Variants in PARP11 observed in about 807,000 individuals in gnomAD.
PARP11 encodes the protein protein mono-ADP-ribosyltransferase PARP11.
In PARP11, 31 loss-of-function variants were observed where a neutral mutation model predicts 42.9. The observed-to-expected ratio is 0.72, with a 90% CI of 0.54 to 0.98. The LOEUF is 0.98. Among genes scored for constraint, PARP11 ranks in the 50% least tolerant of loss-of-function variants. The probability of loss-of-function intolerance (pLI) is 0.00; values close to 1 mark genes in which losing one functional copy is unlikely to be tolerated. For synonymous variants in PARP11, 137 were observed against 127.3 expected, an observed-to-expected ratio of 1.08 and a Z score of -0.51; for missense variants, 365 against 413.1, an observed-to-expected ratio of 0.88 and a Z score of 1.01.
In PARP11 at chr12:3,826,197, C is replaced by T. The variant is rs770853161; in HGVS notation, c.305G>A (p.Arg102His). 39 of 1,599,432 alleles carry T rather than the reference C, an allele frequency of 2.4e-5. No homozygotes were observed. Among genetic ancestry groups the T allele is most frequent in the East Asian group, 9.0e-5 (4 of 44,544 alleles). Residue 102 changes from arginine (R) to histidine (H), a missense_variant, in exon 4 of 8, where the codon CGC (arginine) becomes CAC (histidine). Arg to His is a conservative substitution (Grantham distance 29). Coordinates refer to ENST00000228820, the MANE Select transcript of PARP11 (RefSeq NM_020367.6). Reference protein sequence around the residue: ...KQMNLTTGKQRLIKRAPFSIS... With the variant: ...KQMNLTTGKQHLIKRAPFSIS... Reference sequence around the variant, plus strand: ...AGAAAAGGGGGCTCTTTTTATTAAGCGCTGCTTTCCAGTGGTGAGATTCAT... The same window carrying T: ...AGAAAAGGGGGCTCTTTTTATTAAGTGCTGCTTTCCAGTGGTGAGATTCAT...
intron 1 of PARP11, chr12:3,842,638 C>A (rs1947915266): frequency 1.5e-6 from 1 of 685,794 alleles, no homozygotes; most frequent in South Asian, 1.9e-5. Flanking sequence ...AGCCTCCTTA[C>A]CTTCCCTCCC....
At position 3,840,626 on chromosome 12, in the gene PARP11, C is replaced by G; in HGVS notation, c.19-10608G>C. 3.3e-6 allele frequency: 4 copies of G among 1,220,662 alleles called. No individual in the cohort carries two copies. Among genetic ancestry groups the G allele is most frequent in the Non-Finnish European group, 4.9e-6 (4 of 821,054 alleles). The allele number at this position is 1,220,662 out of a possible 1,614,324, so 75.6% of individuals were successfully genotyped here. ...CGAGAATCTAACTATTGCTACTTCTCAGAGTAGCAATCCATGTGTCCAGAG... is the reference window on the plus strand; with the variant it reads ...CGAGAATCTAACTATTGCTACTTCTGAGAGTAGCAATCCATGTGTCCAGAG... On this transcript the variant is annotated intron_variant, in intron 1 of 7. Coordinates refer to ENST00000228820, the MANE Select transcript of PARP11 (RefSeq NM_020367.6). This position sits in a 1 kb window ranked among gnomAD's most constrained non-coding sequence, Gnocchi z 4.4.
Position 3,840,031 on chromosome 12 carries a change from G to T in PARP11, c.19-10013C>A, listed in dbSNP as rs545540143. On this transcript the variant is annotated intron_variant, in intron 1 of 7. Coordinates refer to ENST00000228820, the MANE Select transcript of PARP11 (RefSeq NM_020367.6). This position sits in a 1 kb window ranked among gnomAD's most constrained non-coding sequence, Gnocchi z 4.4. ...TGGGAACTCTACTAGCCTGCCTTTG[G>T]CTAGAAAGGTTCTTAAGTCACTCAA... 22 of 1,608,248 alleles carry T rather than the reference G, an allele frequency of 1.4e-5. No homozygotes were observed. In the East Asian group the frequency reaches 4.9e-4, roughly 36 times the overall value.
Position 3,820,376 on chromosome 12 carries a change from G to A in PARP11, c.548+1497C>T, listed in dbSNP as rs1451103108. Among the ~76,000 whole-genome samples, 3 of 152,286 alleles carry A rather than the reference G, an allele frequency of 2.0e-5. No individual in the cohort carries two copies. The East Asian group carries it at 5.8e-4, about 29-fold the overall frequency. On this transcript the variant is annotated intron_variant, in intron 6 of 7. Coordinates refer to ENST00000228820, the MANE Select transcript of PARP11 (RefSeq NM_020367.6). ...CAGGATGATGTCAAAATGACACGCTGCCCTTATAATGAGACTCAGTATTTT... is the reference window on the plus strand; with the variant it reads ...CAGGATGATGTCAAAATGACACGCTACCCTTATAATGAGACTCAGTATTTT...
chr12:3,841,291 G>T, intron 1 of PARP11: 1 of 1,289,500 alleles, frequency 7.8e-7, no homozygotes, highest in Non-Finnish European at 1.1e-6. Flanking sequence ...CAATCTTGGT[G>T]TGAAGGCATA....
rs1947136039 is a variant in PARP11, at chr12:3,809,993, C to T, written c.*2130G>A. 1 of 152,244 alleles carries T rather than the reference C, an allele frequency of 6.6e-6. No homozygotes were observed. The highest frequency in any genetic ancestry group is 2.4e-5 in the African/African-American group (1 of 41,460). The allele number at this position is 152,244 out of a possible 1,614,324, so 9.4% of individuals were successfully genotyped here. A position where few individuals can be genotyped will look rare whatever the true frequency, so the allele number is the denominator to read the frequency against. ...CCTGGGTACTACTTACCTCCCACTG[C>T]ACAATTACACATATGCTGGTCTATA... is the stretch of plus-strand genomic sequence containing the variant. On this transcript the variant is annotated 3_prime_UTR_variant, in exon 8 of 8. Transcript: ENST00000228820.
chr12:3,826,185 C>G lies in PARP11; in HGVS notation c.317G>C (p.Arg106Thr). ...LTTGKQRLIKRAPFSISAFSY... is the reference protein window; with the variant it reads ...LTTGKQRLIKTAPFSISAFSY... The stretch of plus-strand genomic sequence containing the variant: ...GAAAGCACTGATAGAAAAGGGGGCT[C>G]TTTTTATTAAGCGCTGCTTTCCAGT... Residue 106 changes from arginine to threonine, a missense_variant, in exon 4 of 8, where the codon AGA becomes ACA. Physicochemically the swap from Arg to Thr is moderately conservative, Grantham distance 71. Transcript: ENST00000228820. 6.3e-7 allele frequency: 1 copy of G among 1,598,762 alleles called. No individual in the cohort carries two copies. The highest frequency in any genetic ancestry group is 8.5e-7 in the Non-Finnish European group (1 of 1,175,392).
In PARP11 at chr12:3,827,094, G is replaced by C. The variant is rs7315970; in HGVS notation, c.269-861C>G. Among the ~76,000 whole-genome samples, 2,651 of 152,306 alleles carry C rather than the reference G, an allele frequency of 0.017. 139 individuals are homozygous for C. In the South Asian group the frequency reaches 0.18, roughly 10 times the overall value. On this transcript the variant is annotated intron_variant, in intron 3 of 7. Coordinates refer to ENST00000228820, the MANE Select transcript of PARP11 (RefSeq NM_020367.6). The stretch of plus-strand genomic sequence containing the variant: ...AAAAGCAAGATCATCTCAGCATGTG[G>C]AGCAAGACCTGTGATGCCATCTTCT...
intron 1 of PARP11, chr12:3,841,534 C>G: frequency 1.3e-6 from 2 of 1,597,606 alleles, no homozygotes; most frequent in Admixed American, 1.7e-5. Context: ...GATTGGACCG[C>G]CGACATTTTC....
intron 1 of PARP11, chr12:3,832,103 A>C: frequency 1.0e-6 from 1 of 966,726 alleles, no homozygotes; most frequent in Non-Finnish European, 1.2e-6. Context: ...CTCCGCTATA[A>C]AACACCTTAC....
chr12:3,841,085 C>T, intron 1 of PARP11: 4 of 1,608,970 alleles, frequency 2.5e-6, no homozygotes, highest in Non-Finnish European at 3.4e-6. Context: ...TTAACACCCT[C>T]TCCAGTTCCT....
chr12:3,817,063 C>T (rs940065095), intron 6 of PARP11, among the ~76,000 whole-genome samples: 2 of 151,944 alleles, frequency 1.3e-5, no homozygotes, highest in Admixed American at 6.6e-5. Context: ...TGGTGGCGGG[C>T]GCCTGTAGTC....
chr12:3,829,224 G>C (rs918683572), intron 2 of PARP11, among the ~76,000 whole-genome samples, 194 bp from the exon 3 acceptor site: 2 of 152,192 alleles, frequency 1.3e-5, no homozygotes, highest in Admixed American at 6.5e-5. Flanking sequence ...GATCTCCAGT[G>C]AAGAGACAAC....
chr12:3,828,144 T>C (rs188923529), intron 3 of PARP11, among the ~76,000 whole-genome samples: 121 of 152,326 alleles, frequency 7.9e-4, no homozygotes, highest in African/African-American at 2.2e-3. Context: ...ATTAAAGAAA[T>C]TGTTTTCTGA....
intron 6 of PARP11, among the ~76,000 whole-genome samples, chr12:3,815,979 G>C (rs978536522): frequency 6.6e-6 from 1 of 152,194 alleles, no homozygotes; most frequent in Non-Finnish European, 1.5e-5. Context: ...TCACTTGGCA[G>C]TATGTATCAA....
chr12:3,827,637 A>G (rs1565535818), intron 3 of PARP11, among the ~76,000 whole-genome samples: 1 of 152,078 alleles, frequency 6.6e-6, no homozygotes, highest in Non-Finnish European at 1.5e-5. Flanking sequence ...ACGAGCAAGG[A>G]TCTAATGGTT....
At chr12:3,854,397 A>G (rs1948155182) in intron 1 of PARP11, among the ~76,000 whole-genome samples, 1 of 152,204 alleles carries the variant, frequency 6.6e-6, no homozygotes, top group African/African-American at 2.4e-5. Flanking sequence ...AGCAAGACGA[A>G]CAAAGAAGAA....
At chr12:3,859,652 G>A (rs536633752) in intron 1 of PARP11, among the ~76,000 whole-genome samples, 5 of 151,492 alleles carry the variant, frequency 3.3e-5, no homozygotes, top group Middle Eastern at 3.5e-3. Context: ...CAATCAAAAC[G>A]TAGATTTTTC....
At chr12:3,867,201 T>G (rs766005186) in intron 1 of PARP11, among the ~76,000 whole-genome samples, 4 of 152,214 alleles carry the variant, frequency 2.6e-5, no homozygotes, top group Non-Finnish European at 4.4e-5. Context: ...AAAGATTCTT[T>G]ATATGAAACA....
Sources: allele counts gnomAD v4.1 joint callset (sites outside exome capture counted in the v4.1 genomes callset), GRCh38; gene constraint gnomAD v4.1.1; non-coding constraint Gnocchi (gnomAD v3.1); transcripts MANE v1.5; gene names NCBI Gene and HGNC (gene_info 2026-07-23, HGNC 2026-07-21).